TAMALIN: variants seen among roughly 807,000 people sequenced by gnomAD.
TAMALIN encodes protein TAMALIN.
Under a neutral mutation model 38.5 loss-of-function variants are expected in TAMALIN, and 9 were observed. The observed-to-expected ratio is 0.23, with a 90% CI of 0.14 to 0.41. TAMALIN has a LOEUF of 0.41. TAMALIN is among the 10% of genes least tolerant of loss of function. The pLI, the probability that TAMALIN is intolerant of heterozygous loss-of-function variation, is 1.00. For synonymous variants in TAMALIN, 306 were observed against 256.5 expected, an observed-to-expected ratio of 1.19 and a Z score of -1.85; for missense variants, 548 against 554.1, an observed-to-expected ratio of 0.99 and a Z score of 0.11.
chr12:52,011,357 A>G lies in TAMALIN; in HGVS notation c.454+216A>G. 1 of 715,948 alleles carries G rather than the reference A, an allele frequency of 1.4e-6. No individual in the cohort carries two copies. The allele number at this position is 715,948 out of a possible 1,614,324, so 44.3% of individuals were successfully genotyped here. On this transcript the variant is annotated intron_variant, in intron 4 of 7. Transcript: ENST00000293662. This position sits in a 1 kb window ranked among gnomAD's most constrained non-coding sequence, Gnocchi z 5.3. ...CAGCCCCATCTACAAAATGAGGGTA[A>G]TAATGCATCCAAACATCACAGTGCG...
Position 52,014,941 on chromosome 12 carries a change from G to C in TAMALIN, c.930G>C (p.Pro310=). 1 of 1,001,356 alleles carries C rather than the reference G, an allele frequency of 1.0e-6. No individual in the cohort carries two copies. Among genetic ancestry groups the C allele is most frequent in the Non-Finnish European group, 1.2e-6 (1 of 840,192 alleles). The allele number at this position is 1,001,356 out of a possible 1,614,324, so 62.0% of individuals were successfully genotyped here. A position where few individuals can be genotyped will look rare whatever the true frequency, so the allele number is the denominator to read the frequency against. The change falls in exon 8 of 8, where the codon CCG becomes CCC. Residue 310 remains proline (P), a synonymous_variant. Transcript: ENST00000293662. ...PPPPPARAFG[P]GPAETPAVGP... ...CGCCCCCGGCCCGCGCCTTCGGCCC[G>C]GGCCCCGCCGAGACCCCTGCCGTGG... is the stretch of plus-strand genomic sequence containing the variant.
chr12:52,008,754 T>C lies in TAMALIN; in HGVS notation c.247-436T>C, dbSNP rs904694976. On this transcript the variant is annotated intron_variant, in intron 1 of 7. Transcript: ENST00000293662. ...ACTGGCAGAAGGTCCTCGGAGCACCTTGATAGGTGAGCCCAGGGGACACCT... is the reference window on the plus strand; with the variant it reads ...ACTGGCAGAAGGTCCTCGGAGCACCCTGATAGGTGAGCCCAGGGGACACCT... The C allele has an allele frequency of 5.1e-6, 5 of 985,272 alleles. No individual in the cohort carries two copies. The Admixed American group carries it at 1.8e-4, about 36-fold the overall frequency. The allele number at this position is 985,272 out of a possible 1,614,324, so 61.0% of individuals were successfully genotyped here.
intron 7 of TAMALIN, chr12:52,014,480 G>A: frequency 1.7e-6 from 1 of 600,060 alleles, no homozygotes; most frequent in East Asian, 2.8e-5. Flanking sequence ...TTATTTCCGA[G>A]GCCCGTTTGT....
intron 4 of TAMALIN, among the ~76,000 whole-genome samples, chr12:52,012,454 T>C (rs1464001781): frequency 6.6e-6 from 1 of 152,116 alleles, no homozygotes; most frequent in Non-Finnish European, 1.5e-5. Context: ...GGGTTTTGCC[T>C]TGTTGGCCAG....
rs1303679893 is a variant in TAMALIN, at chr12:52,007,533, C to G, written c.246+268C>G. The G allele has an allele frequency of 1.0e-6, 1 of 984,256 alleles. No homozygotes were observed. Among genetic ancestry groups the G allele is most frequent in the East Asian group, 1.1e-4 (1 of 8,758 alleles). The allele number at this position is 984,256 out of a possible 1,614,324, so 61.0% of individuals were successfully genotyped here. ...CTTGACTCCTCCCAGCACCCCCCTT[C>G]TCCTACCCGCTCCATCTGGCTTTCT... On this transcript the variant is annotated intron_variant, in intron 1 of 7. Transcript: ENST00000293662. This position sits in a 1 kb window ranked among gnomAD's most constrained non-coding sequence, Gnocchi z 6.7.
Position 52,007,821 on chromosome 12 carries a change from G to T in TAMALIN, c.246+556G>T, listed in dbSNP as rs1592270660. 1.0e-6 allele frequency: 1 copy of T among 985,428 alleles called. No individual in the cohort carries two copies. The highest frequency in any genetic ancestry group is 1.1e-4 in the East Asian group (1 of 8,792). 61.0% of individuals were successfully genotyped at this position (985,428 alleles called of 1,614,324 possible). A position where few individuals can be genotyped will look rare whatever the true frequency, so the allele number is the denominator to read the frequency against. On this transcript the variant is annotated intron_variant, in intron 1 of 7. Transcript: ENST00000293662. This position sits in a 1 kb window ranked among gnomAD's most constrained non-coding sequence, Gnocchi z 6.7. Reference sequence around the variant, plus strand: ...TGGCCCCACGTCTGACGTACGGGGCGCGAGGGCCACTGCTCCCTGGACTTC... The same window carrying T: ...TGGCCCCACGTCTGACGTACGGGGCTCGAGGGCCACTGCTCCCTGGACTTC...
chr12:52,013,202 C>T (rs1011362125), intron 4 of TAMALIN, among the ~76,000 whole-genome samples: 1 of 149,508 alleles, frequency 6.7e-6, no homozygotes, highest in Non-Finnish European at 1.5e-5. Flanking sequence ...CTCAGCCTCC[C>T]GAGTAGCTGG....
chr12:52,015,268 C>T lies in TAMALIN; in HGVS notation c.*69C>T. 6.8e-7 allele frequency: 1 copy of T among 1,469,616 alleles called. No homozygotes were observed. Among genetic ancestry groups the T allele is most frequent in the African/African-American group, 1.5e-5 (1 of 68,458 alleles). 91.0% of individuals were successfully genotyped at this position (1,469,616 alleles called of 1,614,324 possible). On this transcript the variant is annotated 3_prime_UTR_variant, in exon 8 of 8. Coordinates refer to ENST00000293662, the MANE Select transcript of TAMALIN (RefSeq NM_181711.4). The stretch of plus-strand genomic sequence containing the variant: ...AGCCAGCGCTAAAAGAGGGGGAGGC[C>T]GAGCCAAGAGGACCCCAGGAGCCCA...
chr12:52,008,143 C>T, intron 1 of TAMALIN: 10 of 985,428 alleles, frequency 1.0e-5, no homozygotes, highest in Non-Finnish European at 1.2e-5. Context: ...GCTGCCCAGT[C>T]CTTCCTCCCT....
chr12:52,014,263 C>G, intron 7 of TAMALIN, 62 bp downstream of exon 7: 2 of 1,373,172 alleles, frequency 1.5e-6, no homozygotes, highest in South Asian at 2.5e-5. Flanking sequence ...ATCTGCGCTT[C>G]CCCCTCAGAA....
rs1031097993 is a variant in TAMALIN, at chr12:52,008,176, C to T, written c.246+911C>T. On this transcript the variant is annotated intron_variant, in intron 1 of 7. Coordinates refer to ENST00000293662, the MANE Select transcript of TAMALIN (RefSeq NM_181711.4). ...CCTGGCCGTTTGGGAACTGTCCCCA[C>T]CCCTGAGGCCAATCTGGTTCTGAAC... 1.9e-5 allele frequency: 19 copies of T among 985,316 alleles called. No individual in the cohort carries two copies. In the Admixed American group the frequency reaches 4.3e-4, roughly 22 times the overall value. The allele number at this position is 985,316 out of a possible 1,614,324, so 61.0% of individuals were successfully genotyped here. A position where few individuals can be genotyped will look rare whatever the true frequency, so the allele number is the denominator to read the frequency against.
At position 52,009,219 on chromosome 12, in the gene TAMALIN, C is replaced by T; in HGVS notation, c.276C>T (p.Ser92=). The T allele has an allele frequency of 6.2e-7, 1 of 1,614,078 alleles. No individual in the cohort carries two copies. Among genetic ancestry groups the T allele is most frequent in the Non-Finnish European group, 8.5e-7 (1 of 1,179,998 alleles). Reference sequence around the variant, plus strand: ...CAGGATTCCGCTGGAAGAATCTCAGCCAGAGTCCTGAACAGCAGCGGTGAG... The same window carrying T: ...CAGGATTCCGCTGGAAGAATCTCAGTCAGAGTCCTGAACAGCAGCGGTGAG... ...KGSGFRWKNL[S]QSPEQQRKVL... Residue 92 remains serine (S), a synonymous_variant, in exon 2 of 8, where the codon AGC becomes AGT. Coordinates refer to ENST00000293662, the MANE Select transcript of TAMALIN (RefSeq NM_181711.4).
intron 1 of TAMALIN, chr12:52,008,092 T>C: frequency 1.0e-6 from 1 of 985,438 alleles, no homozygotes; most frequent in Non-Finnish European, 1.2e-6. Context: ...AGAATTTGCA[T>C]TTTATGAAAA....
Position 52,014,171 on chromosome 12 carries a change from C to G in TAMALIN, c.652C>G (p.Leu218Val). 2 of 1,604,216 alleles carry G rather than the reference C, an allele frequency of 1.2e-6. No homozygotes were observed. Among genetic ancestry groups the G allele is most frequent in the Non-Finnish European group, 1.7e-6 (2 of 1,175,258 alleles). ...TGAGAAGTGGGGAGAGTACAGGTCC[C>G]TAATGGTGCAGGAGCAGCGGCTGGT... is the stretch of plus-strand genomic sequence containing the variant. ...LYEKWGEYRS[L>V]MVQEQRLVHG... The change falls in exon 7 of 8, where the codon CTA (leucine) becomes GTA (valine). Residue 218 changes from leucine to valine, a missense_variant. Coordinates refer to ENST00000293662, the MANE Select transcript of TAMALIN (RefSeq NM_181711.4).
At position 52,014,975 on chromosome 12, in the gene TAMALIN, C is replaced by T. The variant is rs1937764954; in HGVS notation, c.964C>T (p.Pro322Ser). ...PAETPAVGPG[P>S]GPRAALSRSA... ...CGAGACCCCTGCCGTGGGGCCGGGC[C>T]CTGGGCCGCGGGCCGCGCTGAGCCG... The change falls in exon 8 of 8, where the codon CCT (proline) becomes TCT (serine). Residue 322 changes from proline to serine, a missense_variant. Pro to Ser is a moderately conservative substitution (Grantham distance 74, BLOSUM62 -1). Coordinates refer to ENST00000293662, the MANE Select transcript of TAMALIN (RefSeq NM_181711.4). 6 of 974,028 alleles carry T rather than the reference C, an allele frequency of 6.2e-6. No individual in the cohort carries two copies. Among genetic ancestry groups the T allele is most frequent in the Non-Finnish European group, 7.3e-6 (6 of 820,452 alleles). 60.3% of individuals were successfully genotyped at this position (974,028 alleles called of 1,614,324 possible).
rs972510581 is a variant in TAMALIN at position 52,007,337 on chromosome 12, A to G, written c.246+72A>G. 1 of 1,334,120 alleles carries G rather than the reference A, an allele frequency of 7.5e-7. No homozygotes were observed. Among genetic ancestry groups the G allele is most frequent in the Non-Finnish European group, 9.6e-7 (1 of 1,042,670 alleles). The allele number at this position is 1,334,120 out of a possible 1,614,324, so 82.6% of individuals were successfully genotyped here. A position where few individuals can be genotyped will look rare whatever the true frequency, so the allele number is the denominator to read the frequency against. The stretch of plus-strand genomic sequence containing the variant: ...TCCCTACAGGGCCTGCTGACTCCGC[A>G]GTGCCCTCTCCTCGGCGTCCGCGGA... On this transcript the variant is annotated intron_variant, in intron 1 of 7. Coordinates refer to ENST00000293662, the MANE Select transcript of TAMALIN (RefSeq NM_181711.4). The surrounding 1 kb of genome is among the most constrained non-coding windows in gnomAD (Gnocchi z 6.7).
chr12:52,008,848 C>T, intron 1 of TAMALIN: 2 of 712,742 alleles, frequency 2.8e-6, no homozygotes, highest in South Asian at 6.3e-5. Context: ...TGAGCCTCTA[C>T]AGACATGGGC....
chr12:52,008,181 G>A (rs757625162), intron 1 of TAMALIN: 37 of 985,282 alleles, frequency 3.8e-5, no homozygotes, highest in Non-Finnish European at 4.2e-5. Context: ...CCCCACCCCT[G>A]AGGCCAATCT....
intron 7 of TAMALIN, chr12:52,014,402 G>A: frequency 1.6e-6 from 1 of 627,296 alleles, no homozygotes; most frequent in Non-Finnish European, 2.9e-6. Context: ...CCCTCTGCAG[G>A]TAAGTAACAG....
Sources: gnomAD v4.1 joint callset for allele counts (sites outside exome capture counted in the v4.1 genomes callset) on GRCh38, gnomAD v4.1.1 for gene constraint, Gnocchi (gnomAD v3.1) non-coding constraint, MANE v1.5 for transcripts, NCBI Gene and HGNC (gene_info 2026-07-23, HGNC 2026-07-21) for gene names.